The following FHIT variants were observed in gnomAD, a reference collection of about 807,000 sequenced individuals.
FHIT encodes the protein bis(5'-adenosyl)-triphosphatase.
FHIT carries 19 observed loss-of-function variants against 17.9 expected under a neutral mutation model. The observed-to-expected ratio is 1.06, with a 90% CI of 0.74 to 1.56. The LOEUF (loss-of-function observed/expected upper bound fraction) is 1.56, where lower values mean the gene tolerates loss of function less well. Ranked by LOEUF, FHIT falls within the 40% of genes most tolerant of loss-of-function variation. The pLI, the probability that FHIT is intolerant of heterozygous loss-of-function variation, is 0.00. For missense variants in FHIT, 248 were observed against 189.2 expected (o/e 1.31, Z -1.82); for synonymous variants, 81 against 69.7 (o/e 1.16, Z -0.81).
intron 4 of FHIT, among the ~76,000 whole-genome samples, chr3:60,551,908 A>T (rs757739322): frequency 3.9e-5 from 6 of 151,900 alleles, no homozygotes; most frequent in African/African-American, 1.5e-4. Context: ...ATGTGTGCAA[A>T]ATTGTACAAT....
chr3:60,460,443 C>T (rs1208551810), intron 5 of FHIT, among the ~76,000 whole-genome samples: 2 of 151,602 alleles, frequency 1.3e-5, no homozygotes, highest in Non-Finnish European at 2.9e-5. Context: ...GAGGAAACAT[C>T]AAGAACCAAT....
At chr3:59,957,505 A>G (rs1221849675) in intron 7 of FHIT, among the ~76,000 whole-genome samples, 1 of 152,256 alleles carries the variant, frequency 6.6e-6, no homozygotes, top group African/African-American at 2.4e-5. Flanking sequence ...TGCAGTCAGT[A>G]AAGACTGATG....
At chr3:61,016,717 C>A (rs1046913235) in intron 3 of FHIT, among the ~76,000 whole-genome samples, 2 of 152,194 alleles carry the variant, frequency 1.3e-5, no homozygotes, top group African/African-American at 2.4e-5. Flanking sequence ...TTCATAGCAA[C>A]CATCAAGCAT....
At chr3:60,360,235 A>C (rs1173902472) in intron 5 of FHIT, among the ~76,000 whole-genome samples, 1 of 152,020 alleles carries the variant, frequency 6.6e-6, no homozygotes, top group East Asian at 1.9e-4. Context: ...GTGGGGCAAG[A>C]AAATTTTTTT....
intron 4 of FHIT, among the ~76,000 whole-genome samples, chr3:60,668,974 G>T (rs1360066246): frequency 1.3e-5 from 2 of 151,968 alleles, no homozygotes; most frequent in African/African-American, 4.8e-5. Flanking sequence ...CATCTTTTCT[G>T]GACCAGAAAT....
intron 2 of FHIT, among the ~76,000 whole-genome samples, chr3:61,143,344 A>G (rs1320832533): frequency 6.6e-6 from 1 of 152,192 alleles, no homozygotes; most frequent in Non-Finnish European, 1.5e-5. Context: ...TATGTATAAT[A>G]CATTATAATA....
chr3:60,011,244 T>C, intron 7 of FHIT, 127 bp downstream of exon 7: 1 of 826,014 alleles, frequency 1.2e-6, no homozygotes, highest in Non-Finnish European at 2.1e-6. Flanking sequence ...GCTCTAACAC[T>C]GAGGGTCTCT....
chr3:60,916,088 T>C (rs1553767036), intron 3 of FHIT, among the ~76,000 whole-genome samples: 1 of 152,202 alleles, frequency 6.6e-6, no homozygotes, highest in African/African-American at 2.4e-5. Context: ...GACCCATTTT[T>C]GTGATGGTCT....
At chr3:60,531,379 C>G (rs554826860) in intron 5 of FHIT, among the ~76,000 whole-genome samples, 2 of 150,782 alleles carry the variant, frequency 1.3e-5, no homozygotes, top group African/African-American at 4.9e-5. Context: ...CCCGGGTTCA[C>G]GCCATTCTCC....
intron 5 of FHIT, among the ~76,000 whole-genome samples, chr3:60,436,556 C>T (rs1437173758): frequency 2.4e-5 from 3 of 123,814 alleles, no homozygotes; most frequent in Non-Finnish European, 5.8e-5. Context: ...AGTTTCTTCA[C>T]CAATGTAAAG....
chr3:61,204,240 G>A (rs1302864824), intron 1 of FHIT, among the ~76,000 whole-genome samples: 2 of 152,196 alleles, frequency 1.3e-5, no homozygotes, highest in Admixed American at 1.3e-4. Flanking sequence ...TCTTTATCTT[G>A]AGAGTGGGAG....
chr3:60,642,507 G>A (rs146847408), intron 4 of FHIT, among the ~76,000 whole-genome samples: 3 of 152,260 alleles, frequency 2.0e-5, no homozygotes, highest in African/African-American at 4.8e-5. Context: ...TGGGGGAAAC[G>A]GTAAGGAGCT....
chr3:60,296,433 G>C (rs1708215170), intron 5 of FHIT, among the ~76,000 whole-genome samples: 1 of 152,134 alleles, frequency 6.6e-6, no homozygotes, highest in East Asian at 1.9e-4. Context: ...TAATGATGTA[G>C]AACATCTTTT....
chr3:60,725,745 T>C (rs2041904936), intron 4 of FHIT, among the ~76,000 whole-genome samples: 1 of 152,206 alleles, frequency 6.6e-6, no homozygotes, highest in Admixed American at 6.5e-5. Flanking sequence ...GTGCTACTGC[T>C]GCTAATAATA....
intron 5 of FHIT, among the ~76,000 whole-genome samples, chr3:60,089,066 T>C (rs1416517090): frequency 6.6e-6 from 1 of 152,156 alleles, no homozygotes. Flanking sequence ...AGGGCAGAAA[T>C]CATCATTTAT....
chr3:60,067,218 T>C (rs558003613), intron 5 of FHIT, among the ~76,000 whole-genome samples: 1 of 152,104 alleles, frequency 6.6e-6, no homozygotes, highest in African/African-American at 2.4e-5. Context: ...AGGGGAAATA[T>C]CTAAAAAATG....
At chr3:60,431,240 T>C (rs1702889049) in intron 5 of FHIT, among the ~76,000 whole-genome samples, 1 of 151,622 alleles carries the variant, frequency 6.6e-6, no homozygotes, top group Non-Finnish European at 1.5e-5. Flanking sequence ...GAATGACCAT[T>C]AACTTCATTC....
chr3:60,788,009 G>A lies in FHIT; in HGVS notation c.-18+33910C>T, dbSNP rs145745857. ...CATGAGTGATAGAAGCTTCATTCAG[G>A]CTCAGGTTAAACAGCTCAGGCTGTG... On this transcript the variant is annotated intron_variant, in intron 4 of 9. Transcript: ENST00000492590. 2.0e-5 allele frequency among the ~76,000 whole-genome samples: 3 copies of A among 152,280 alleles called. No individual in the cohort carries two copies. In the East Asian group the frequency reaches 5.8e-4, roughly 29 times the overall value.
intron 3 of FHIT, among the ~76,000 whole-genome samples, chr3:60,895,602 T>G (rs1705749903): frequency 1.3e-5 from 2 of 152,176 alleles, no homozygotes; most frequent in Admixed American, 1.3e-4. Flanking sequence ...TTAGTTGGTT[T>G]TCTAGTGCAA....
Sources: gnomAD v4.1 joint callset for allele counts (sites outside exome capture counted in the v4.1 genomes callset) on GRCh38, gnomAD v4.1.1 for gene constraint, MANE v1.5 for transcripts, NCBI Gene and HGNC (gene_info 2026-07-23, HGNC 2026-07-21) for gene names.